Variants in TTLL5 observed in about 807,000 individuals in gnomAD.
TTLL5 encodes the protein tubulin polyglutamylase TTLL5.
TTLL5 carries 132 observed loss-of-function variants against 168.4 expected under a neutral mutation model. The ratio of observed to expected loss-of-function variants is 0.78; its 90% CI spans 0.68 to 0.91. The LOEUF is 0.91. TTLL5 is among the 40% of genes least tolerant of loss of function. The pLI, the probability that TTLL5 is intolerant of heterozygous loss-of-function variation, is 0.00. For synonymous variants in TTLL5, 546 were observed against 558.6 expected (o/e 0.98, Z 0.32); for missense variants, 1,545 against 1,581.5 (o/e 0.98, Z 0.39).
At position 75,807,377 on chromosome 14, in the gene TTLL5, G is replaced by A. The variant is rs563315794; in HGVS notation, c.3172-12630G>A. Among the ~76,000 whole-genome samples, 7 of 152,292 alleles carry A rather than the reference G, an allele frequency of 4.6e-5. No individual in the cohort carries two copies. In the East Asian group the frequency reaches 1.4e-3, roughly 29 times the overall value. ...GTGGGAGGATCGATTGAGCCCAAGA[G>A]CTGCAGTGTGCCATAACTGCACCAC... On this transcript the variant is annotated intron_variant, in intron 27 of 31. Transcript: ENST00000298832.
At chr14:75,712,912 G>A (rs1339399787) in intron 9 of TTLL5, among the ~76,000 whole-genome samples, 2 of 152,154 alleles carry the variant, frequency 1.3e-5, no homozygotes, top group Non-Finnish European at 2.9e-5. Flanking sequence ...AAAAAGGGGG[G>A]AGGGGGCGGC....
chr14:75,736,176 A>G (rs996673747), intron 15 of TTLL5, among the ~76,000 whole-genome samples: 5 of 152,090 alleles, frequency 3.3e-5, no homozygotes, highest in African/African-American at 1.2e-4. Flanking sequence ...GGCTCTTTGA[A>G]GGCATAAGCA....
In TTLL5 at chr14:75,690,236, T is replaced by A. The variant is rs749693330; in HGVS notation, c.416T>A (p.Ile139Asn). The A allele has an allele frequency of 2.5e-6, 4 of 1,613,416 alleles. No individual in the cohort carries two copies. The East Asian group carries it at 8.9e-5, about 36-fold the overall frequency. Residue 139 changes from isoleucine (I) to asparagine (N), a missense_variant, in exon 6 of 32, where the codon ATT (isoleucine) becomes AAT (asparagine). By Grantham distance (149) the Ile-to-Asn change is moderately radical. Transcript: ENST00000298832. ...AAGGACCGACTGTACAAAAACATTATTCGAATGCAGCATACACATGGATTC... is the reference window on the plus strand; with the variant it reads ...AAGGACCGACTGTACAAAAACATTAATCGAATGCAGCATACACATGGATTC... ...TRKDRLYKNI[I>N]RMQHTHGFKA...
chr14:75,793,511 C>T (rs1566607113), intron 27 of TTLL5, among the ~76,000 whole-genome samples: 1 of 152,118 alleles, frequency 6.6e-6, no homozygotes, highest in Non-Finnish European at 1.5e-5. Flanking sequence ...CCTCTTATTT[C>T]ATGATCTCAG....
At chr14:75,730,326 T>C (rs559942733) in intron 12 of TTLL5, among the ~76,000 whole-genome samples, 1 of 152,332 alleles carries the variant, frequency 6.6e-6, no homozygotes, top group African/African-American at 2.4e-5. Context: ...TTGAGAAGAA[T>C]GTATTAGCTG....
chr14:75,913,834 C>T (rs1446652365), intron 31 of TTLL5, among the ~76,000 whole-genome samples: 2 of 150,834 alleles, frequency 1.3e-5, no homozygotes, highest in Non-Finnish European at 2.9e-5. Flanking sequence ...GCCAACATAA[C>T]GAAACCCTGT....
chr14:75,723,209 C>A (rs1312512889), intron 12 of TTLL5, among the ~76,000 whole-genome samples: 1 of 152,188 alleles, frequency 6.6e-6, no homozygotes. Context: ...CCTGCCTCAG[C>A]CTCCCGAGTA....
intron 15 of TTLL5, among the ~76,000 whole-genome samples, chr14:75,739,862 C>G (rs552455777): frequency 9.8e-5 from 15 of 152,312 alleles, no homozygotes; most frequent in African/African-American, 3.4e-4. Flanking sequence ...ACTTTTGAGT[C>G]TTTTGATTTT....
intron 31 of TTLL5, among the ~76,000 whole-genome samples, chr14:75,940,592 T>A (rs2034570310): frequency 6.6e-6 from 1 of 152,234 alleles, no homozygotes; most frequent in Non-Finnish European, 1.5e-5. Flanking sequence ...TTAAAATTTT[T>A]AAATTTTCAT....
At chr14:75,819,010 G>A (rs1040743127) in intron 27 of TTLL5, among the ~76,000 whole-genome samples, 1 of 152,034 alleles carries the variant, frequency 6.6e-6, no homozygotes, top group Non-Finnish European at 1.5e-5. Flanking sequence ...TTATTTCTAG[G>A]CCTCAATTCA....
intron 18 of TTLL5, among the ~76,000 whole-genome samples, chr14:75,761,047 C>A (rs1007523775): frequency 6.6e-6 from 1 of 152,010 alleles, no homozygotes; most frequent in Non-Finnish European, 1.5e-5. Flanking sequence ...AATAAAAAGA[C>A]CATCAACCCA....
intron 26 of TTLL5, among the ~76,000 whole-genome samples, chr14:75,790,950 A>T (rs1476253756): frequency 6.7e-6 from 1 of 148,602 alleles, no homozygotes; most frequent in Non-Finnish European, 1.5e-5. Context: ...AAAAAAAAAA[A>T]GAAAAATTAC....
chr14:75,822,573 T>G (rs1894890521), intron 28 of TTLL5, among the ~76,000 whole-genome samples: 1 of 152,200 alleles, frequency 6.6e-6, no homozygotes. Flanking sequence ...TTTTCATCTC[T>G]GCATGTCAGA....
chr14:75,696,497 G>A (rs1201625314), intron 6 of TTLL5, among the ~76,000 whole-genome samples: 1 of 152,048 alleles, frequency 6.6e-6, no homozygotes, highest in Non-Finnish European at 1.5e-5. Context: ...AAATGGCAAA[G>A]TGAAAAAAAT....
intron 31 of TTLL5, among the ~76,000 whole-genome samples, chr14:75,919,401 G>A (rs1037157337): frequency 6.6e-6 from 1 of 152,012 alleles, no homozygotes; most frequent in African/African-American, 2.4e-5. Flanking sequence ...TAAAGCTACA[G>A]TAACCAAAAC....
Position 75,833,146 on chromosome 14 carries a change from C to T in TTLL5, c.3326+12985C>T, listed in dbSNP as rs2139814918. On this transcript the variant is annotated intron_variant, in intron 28 of 31. Transcript: ENST00000298832. ...CAGCCTCACTTCCTGCGTTCCTCTCCCTGTGCTTATTTTTCTGCCAGGCCA... is the reference window on the plus strand; with the variant it reads ...CAGCCTCACTTCCTGCGTTCCTCTCTCTGTGCTTATTTTTCTGCCAGGCCA... 5.3e-5 allele frequency among the ~76,000 whole-genome samples: 8 copies of T among 152,306 alleles called. 2 individuals are homozygous for T. In the Middle Eastern group the frequency reaches 0.024, roughly 453 times the overall value.
chr14:75,780,970 C>T (rs1892012304), intron 24 of TTLL5, among the ~76,000 whole-genome samples: 2 of 151,924 alleles, frequency 1.3e-5, no homozygotes, highest in Non-Finnish European at 2.9e-5. Flanking sequence ...AGTTTATTGT[C>T]TGGTAGGTAA....
intron 29 of TTLL5, among the ~76,000 whole-genome samples, chr14:75,865,511 C>T (rs1448719566): frequency 1.3e-5 from 2 of 151,990 alleles, no homozygotes; most frequent in South Asian, 2.1e-4. Flanking sequence ...GAGCATGCAC[C>T]CCTGAGCCTA....
chr14:75,674,918 A>G (rs536157736), intron 3 of TTLL5, among the ~76,000 whole-genome samples: 2 of 152,182 alleles, frequency 1.3e-5, no homozygotes, highest in South Asian at 4.1e-4. Flanking sequence ...TACTCAATAT[A>G]AAAAAACCAT....
Sources: gnomAD v4.1 joint callset for allele counts (sites outside exome capture counted in the v4.1 genomes callset) on GRCh38, gnomAD v4.1.1 for gene constraint, MANE v1.5 for transcripts, NCBI Gene and HGNC (gene_info 2026-07-23, HGNC 2026-07-21) for gene names.